PLD5: variants seen among roughly 807,000 people sequenced by gnomAD.
PLD5 encodes phospholipase D family member 5, also known as inactive phospholipase D5.
In PLD5, 36 loss-of-function variants were observed where a neutral mutation model predicts 61.1. That is an observed-to-expected ratio of 0.59 (90% CI 0.45 to 0.78). PLD5 has a LOEUF of 0.78. Among genes scored for constraint, PLD5 ranks in the 30% least tolerant of loss-of-function variants. The pLI, the probability that PLD5 is intolerant of heterozygous loss-of-function variation, is 0.00. For synonymous variants in PLD5, 243 were observed against 242.8 expected, an observed-to-expected ratio of 1.00 and a Z score of -0.01; for missense variants, 515 against 644.4, an observed-to-expected ratio of 0.80 and a Z score of 2.17.
chr1:242,508,281 G>C (rs1416451637), intron 1 of PLD5, among the ~76,000 whole-genome samples: 1 of 152,022 alleles, frequency 6.6e-6, no homozygotes, highest in Non-Finnish European at 1.5e-5. Context: ...GCTGAGGCAG[G>C]AGAATCGCTT....
At chr1:242,158,346 C>T (rs1665555860) in intron 5 of PLD5, among the ~76,000 whole-genome samples, 1 of 152,102 alleles carries the variant, frequency 6.6e-6, no homozygotes, top group African/African-American at 2.4e-5. Context: ...CTCCCAGGCA[C>T]CACTGGGGTA....
At chr1:242,320,496 C>T (rs538114546) in intron 2 of PLD5, among the ~76,000 whole-genome samples, 2 of 152,112 alleles carry the variant, frequency 1.3e-5, no homozygotes, top group Non-Finnish European at 2.9e-5. Context: ...AGAGTGGTTG[C>T]CCAGAGCAAG....
intron 1 of PLD5, among the ~76,000 whole-genome samples, chr1:242,421,203 T>C (rs1311833444): frequency 7.1e-6 from 1 of 140,926 alleles, no homozygotes; most frequent in Non-Finnish European, 1.5e-5. Flanking sequence ...AAAAAAAGGA[T>C]GGTTTCAGTT....
rs775795703 is a variant in PLD5 at position 242,163,146 on chromosome 1, TC to T, written c.736-38482del. On this transcript the variant is annotated intron_variant, in intron 5 of 9. Coordinates refer to ENST00000536534, the MANE Select transcript of PLD5 (RefSeq NM_001372062.1). The stretch of plus-strand genomic sequence containing the variant: ...TCAAGTCTTTTATTTTCTTTTCTTT[TC>T]TTTCTTTTCTTGAGACGACGGAGTC... Among the ~76,000 whole-genome samples, 1,281 of 137,078 alleles carry T rather than the reference TC, an allele frequency of 9.3e-3. 44 individuals carry two copies. The highest frequency in any genetic ancestry group is 0.032 in the African/African-American group (1,175 of 37,102). 89.9% of individuals were successfully genotyped at this position (137,078 alleles called of 152,430 possible). A position where few individuals can be genotyped will look rare whatever the true frequency, so the allele number is the denominator to read the frequency against.
At chr1:242,176,380 C>T (rs930263265) in intron 5 of PLD5, among the ~76,000 whole-genome samples, 2 of 152,098 alleles carry the variant, frequency 1.3e-5, no homozygotes, top group Non-Finnish European at 2.9e-5. Flanking sequence ...ACTGGCTAGC[C>T]ATATGCAGAA....
At chr1:242,114,293 T>C (rs1558235582) in intron 6 of PLD5, among the ~76,000 whole-genome samples, 1 of 152,196 alleles carries the variant, frequency 6.6e-6, no homozygotes, top group African/African-American at 2.4e-5. Flanking sequence ...TATTAAAAAA[T>C]TTAATTGATA....
At chr1:242,438,707 C>T (rs1307513386) in intron 1 of PLD5, among the ~76,000 whole-genome samples, 4 of 152,186 alleles carry the variant, frequency 2.6e-5, no homozygotes, top group African/African-American at 4.8e-5. Context: ...GGATTACAGG[C>T]GTGAGCCACC....
chr1:242,360,720 T>C (rs940155569), intron 1 of PLD5, among the ~76,000 whole-genome samples: 161 of 152,284 alleles, frequency 1.1e-3, no homozygotes, highest in African/African-American at 3.8e-3. Flanking sequence ...TTGCATAATA[T>C]TCTAATACGT....
intron 1 of PLD5, among the ~76,000 whole-genome samples, chr1:242,441,375 T>A (rs1295445143): frequency 6.6e-6 from 1 of 152,032 alleles, no homozygotes; most frequent in Non-Finnish European, 1.5e-5. Flanking sequence ...ATTATAAATA[T>A]CTCTATATAA....
At chr1:242,295,737 A>AACT (rs1222019012) in intron 2 of PLD5, among the ~76,000 whole-genome samples, 12 of 152,182 alleles carry the variant, frequency 7.9e-5, no homozygotes, top group African/African-American at 2.9e-4. Flanking sequence ...GTAGGGGTTG[A>AACT]ACTACTCTAC....
chr1:242,157,669 A>G (rs1391609480), intron 5 of PLD5, among the ~76,000 whole-genome samples: 2 of 152,204 alleles, frequency 1.3e-5, no homozygotes, highest in Non-Finnish European at 2.9e-5. Context: ...CAGAGGCTGC[A>G]GAACAGCAAA....
chr1:242,159,080 C>T (rs1304241843), intron 5 of PLD5, among the ~76,000 whole-genome samples: 1 of 152,072 alleles, frequency 6.6e-6, no homozygotes, highest in East Asian at 1.9e-4. Context: ...TCTAGTTGTG[C>T]TAATTGCTTT....
chr1:242,488,590 G>A (rs1668039062), intron 1 of PLD5, among the ~76,000 whole-genome samples: 1 of 152,200 alleles, frequency 6.6e-6, no homozygotes, highest in South Asian at 2.1e-4. Flanking sequence ...CTCAGGGGAG[G>A]AAGGGATGAA....
chr1:242,313,000 T>C (rs1240295010), intron 2 of PLD5, among the ~76,000 whole-genome samples: 1 of 152,188 alleles, frequency 6.6e-6, no homozygotes, highest in Non-Finnish European at 1.5e-5. Context: ...GATGTCCTCA[T>C]CACATATCTT....
At chr1:242,220,926 G>A (rs1670550298) in intron 4 of PLD5, among the ~76,000 whole-genome samples, 1 of 151,868 alleles carries the variant, frequency 6.6e-6, no homozygotes, top group African/African-American at 2.4e-5. Context: ...TAGTAGAGAG[G>A]GGTTTTTACT....
At chr1:242,493,809 C>G (rs954817005) in intron 1 of PLD5, among the ~76,000 whole-genome samples, 2 of 152,162 alleles carry the variant, frequency 1.3e-5, no homozygotes, top group Non-Finnish European at 2.9e-5. Context: ...ACAAGCAGTG[C>G]TCCAGCAGAG....
intron 5 of PLD5, among the ~76,000 whole-genome samples, chr1:242,152,316 G>T (rs1664990582): frequency 6.6e-6 from 1 of 151,840 alleles, no homozygotes; most frequent in African/African-American, 2.4e-5. Context: ...GAACCCCTGT[G>T]GTTCCATTGG....
chr1:242,444,357 G>A (rs770255403), intron 1 of PLD5, among the ~76,000 whole-genome samples: 129 of 152,006 alleles, frequency 8.5e-4, no homozygotes, highest in Non-Finnish European at 1.4e-3. Context: ...TTCAAGTACC[G>A]GAGAAGAGGG....
At position 242,265,218 on chromosome 1, in the gene PLD5, G is replaced by A. The variant is rs1372750642; in HGVS notation, c.607+119C>T. The A allele has an allele frequency of 3.2e-6, 4 of 1,235,252 alleles. No homozygotes were observed. In the African/African-American group the frequency reaches 4.8e-5, roughly 15 times the overall value. The allele number at this position is 1,235,252 out of a possible 1,614,324, so 76.5% of individuals were successfully genotyped here. A position where few individuals can be genotyped will look rare whatever the true frequency, so the allele number is the denominator to read the frequency against. ...CGAGTTATTTTTCAAAGATGTAAAT[G>A]TACTATGTACTAAGTGAAATGTACT... On this transcript the variant is annotated intron_variant, in intron 4 of 9. Coordinates refer to ENST00000536534, the MANE Select transcript of PLD5 (RefSeq NM_001372062.1).
Sources: allele counts gnomAD v4.1 joint callset (sites outside exome capture counted in the v4.1 genomes callset), GRCh38; gene constraint gnomAD v4.1.1; transcripts MANE v1.5; gene names NCBI Gene and HGNC (gene_info 2026-07-23, HGNC 2026-07-21).